The following RALYL variants were observed in gnomAD, a reference collection of about 807,000 sequenced individuals.
RALYL encodes the protein RNA-binding Raly-like protein.
In RALYL, 29 loss-of-function variants were observed where a neutral mutation model predicts 35.1. The ratio of observed to expected loss-of-function variants is 0.83; its 90% CI spans 0.61 to 1.13. RALYL has a LOEUF of 1.13. RALYL is among the 50% of genes most tolerant of loss of function. The probability of loss-of-function intolerance (pLI) is 0.00; values close to 1 mark genes in which losing one functional copy is unlikely to be tolerated. For synonymous variants in RALYL, 120 were observed against 127.6 expected (o/e 0.94, Z 0.40); for missense variants, 359 against 360.4 (o/e 1.00, Z 0.03).
At chr8:84,261,190 T>C (rs1484289362) in intron 1 of RALYL, among the ~76,000 whole-genome samples, 2 of 152,156 alleles carry the variant, frequency 1.3e-5, no homozygotes, top group African/African-American at 4.8e-5. Flanking sequence ...TTTAAAAATA[T>C]CTGATTTAGT....
intron 1 of RALYL, among the ~76,000 whole-genome samples, chr8:84,517,425 T>C (rs1232358574): frequency 6.6e-6 from 1 of 152,186 alleles, no homozygotes; most frequent in Non-Finnish European, 1.5e-5. Context: ...GGCTGTTATA[T>C]GTCATTTGTG....
chr8:84,757,523 C>T (rs1202535196), intron 2 of RALYL, among the ~76,000 whole-genome samples: 1 of 152,092 alleles, frequency 6.6e-6, no homozygotes, highest in Non-Finnish European at 1.5e-5. Flanking sequence ...TTGGGGAATT[C>T]TATTTTAGCT....
At position 84,415,214 on chromosome 8, in the gene RALYL, T is replaced by TTG. The variant is rs796592171; in HGVS notation, c.-23-114084_-23-114083insGT. Among the ~76,000 whole-genome samples the TTG allele has an allele frequency of 3.4e-3, 517 of 151,240 alleles. 8 individuals carry two copies. Among genetic ancestry groups the TTG allele is most frequent in the African/African-American group, 0.012 (484 of 41,104 alleles). On this transcript the variant is annotated intron_variant, in intron 1 of 8. Coordinates refer to ENST00000521268, the MANE Select transcript of RALYL (RefSeq NM_173848.7). ...CTACTTGCAGACACTCGTTTTTTTTTTTTTGTTTTTTTGTTTTGTTTTGTT... is the reference window on the plus strand; with the variant it reads ...CTACTTGCAGACACTCGTTTTTTTTTTGTTTTGTTTTTTTGTTTTGTTTTGTT...
At chr8:84,439,913 G>A (rs1167499207) in intron 1 of RALYL, among the ~76,000 whole-genome samples, 1 of 151,944 alleles carries the variant, frequency 6.6e-6, no homozygotes, top group East Asian at 1.9e-4. Context: ...AATCTTCACT[G>A]GTTACCCAAG....
At chr8:84,263,612 AT>A (rs1280370195) in intron 1 of RALYL, among the ~76,000 whole-genome samples, 2 of 151,908 alleles carry the variant, frequency 1.3e-5, no homozygotes, top group Non-Finnish European at 2.9e-5. Flanking sequence ...TTTCATTTTT[AT>A]TTTTAGTGCT....
chr8:84,544,656 G>A (rs2060236388), intron 2 of RALYL, among the ~76,000 whole-genome samples: 1 of 152,000 alleles, frequency 6.6e-6, no homozygotes, highest in South Asian at 2.1e-4. Context: ...AGGGTACACT[G>A]AGATAGATTC....
intron 1 of RALYL, among the ~76,000 whole-genome samples, chr8:84,356,780 A>G (rs1383571446): frequency 6.7e-6 from 1 of 150,368 alleles, no homozygotes; most frequent in East Asian, 1.9e-4. Flanking sequence ...CACATAACCT[A>G]ACAAGAAAAA....
At position 84,849,997 on chromosome 8, in the gene RALYL, A is replaced by G. The variant is rs1835500300; in HGVS notation, c.383A>G (p.Tyr128Cys). Residue 128 changes from tyrosine to cysteine, a missense_variant, in exon 5 of 9, where the codon TAT becomes TGT. Transcript: ENST00000521268. ...CTCTTTAGCGGTTATGTCTTTGACT[A>G]TGATTACTACAGAGATGATTTCTAC... is the stretch of plus-strand genomic sequence containing the variant. ...FLSVGGYVFD[Y>C]DYYRDDFYNR... 6.7e-7 allele frequency: 1 copy of G among 1,497,128 alleles called. No homozygotes were observed. The highest frequency in any genetic ancestry group is 8.9e-7 in the Non-Finnish European group (1 of 1,119,780). 92.7% of individuals were successfully genotyped at this position (1,497,128 alleles called of 1,614,324 possible).
chr8:84,426,436 C>CTGTGTGTGTG (rs746277761), intron 1 of RALYL, among the ~76,000 whole-genome samples: 2,731 of 130,772 alleles, frequency 0.021, 42 homozygotes, highest in African/African-American at 0.027. Context: ...CTCTCTCTCT[C>CTGTGTGTGTG]TCTGTGTGTG....
intron 2 of RALYL, among the ~76,000 whole-genome samples, chr8:84,541,635 G>C (rs904318501): frequency 3.3e-5 from 5 of 151,866 alleles, no homozygotes; most frequent in African/African-American, 1.2e-4. Context: ...ACTGATTTTT[G>C]TCCTCTTTTC....
intron 2 of RALYL, among the ~76,000 whole-genome samples, chr8:84,708,856 A>T (rs1841667795): frequency 6.6e-6 from 1 of 152,170 alleles, no homozygotes; most frequent in Non-Finnish European, 1.5e-5. Flanking sequence ...TAAAACACTG[A>T]CGTAGAGGAA....
chr8:84,411,467 C>T (rs1353553197), intron 1 of RALYL, among the ~76,000 whole-genome samples: 1 of 151,840 alleles, frequency 6.6e-6, no homozygotes, highest in Non-Finnish European at 1.5e-5. Context: ...TCAAATCCAT[C>T]AATATGGGGA....
intron 1 of RALYL, among the ~76,000 whole-genome samples, chr8:84,188,699 A>G (rs1443413965): frequency 2.0e-5 from 3 of 152,258 alleles, no homozygotes; most frequent in South Asian, 2.1e-4. Context: ...TATACTTGTC[A>G]TCACCCTTCC....
At chr8:84,463,903 T>C (rs994947420) in intron 1 of RALYL, among the ~76,000 whole-genome samples, 1 of 152,006 alleles carries the variant, frequency 6.6e-6, no homozygotes, top group Non-Finnish European at 1.5e-5. Context: ...CTCTTTGTTT[T>C]TTATGCCTGG....
At chr8:84,798,967 A>C (rs1822565777) in intron 3 of RALYL, among the ~76,000 whole-genome samples, 1 of 152,202 alleles carries the variant, frequency 6.6e-6, no homozygotes, top group African/African-American at 2.4e-5. Flanking sequence ...AAGGCTGAGA[A>C]GGTACACTGG....
chr8:84,809,486 G>T (rs1252802772), intron 4 of RALYL, among the ~76,000 whole-genome samples: 2 of 152,046 alleles, frequency 1.3e-5, no homozygotes, highest in East Asian at 1.9e-4. Context: ...TTAGGGTGAT[G>T]CTGGCTGCAT....
Position 84,717,136 on chromosome 8 carries a change from G to A in RALYL, c.257-57443G>A, listed in dbSNP as rs191691709. 5.1e-4 allele frequency among the ~76,000 whole-genome samples: 77 copies of A among 152,254 alleles called. 2 individuals are homozygous for A. The highest frequency in any genetic ancestry group is 7.0e-4 in the African/African-American group (29 of 41,554). On this transcript the variant is annotated intron_variant, in intron 2 of 8. Transcript: ENST00000521268. ...CAGGAGGCGGAGGTTGCAGTGAGCC[G>A]AGATCACGCCATTGCACTCCAACCT...
intron 5 of RALYL, among the ~76,000 whole-genome samples, chr8:84,850,955 G>T (rs193125617): frequency 6.6e-6 from 1 of 152,170 alleles, no homozygotes; most frequent in African/African-American, 2.4e-5. Context: ...CCTTTACTAA[G>T]TTCCTCTGAC....
At chr8:84,715,466 T>C (rs906555329) in intron 2 of RALYL, among the ~76,000 whole-genome samples, 1 of 151,980 alleles carries the variant, frequency 6.6e-6, no homozygotes, top group Non-Finnish European at 1.5e-5. Context: ...AGGAATCTAA[T>C]AAATTAACTT....
Sources: allele counts gnomAD v4.1 joint callset (sites outside exome capture counted in the v4.1 genomes callset), GRCh38; gene constraint gnomAD v4.1.1; transcripts MANE v1.5; gene names NCBI Gene and HGNC (gene_info 2026-07-23, HGNC 2026-07-21).